CEP128: variants seen among roughly 807,000 people sequenced by gnomAD.
The protein encoded by CEP128 is centrosomal protein 128kDa.
Under a neutral mutation model 156.7 loss-of-function variants are expected in CEP128, and 132 were observed. The ratio of observed to expected loss-of-function variants is 0.84; its 90% CI spans 0.73 to 0.97. The LOEUF (loss-of-function observed/expected upper bound fraction) is 0.97, where lower values mean the gene tolerates loss of function less well. Ranked by LOEUF, CEP128 falls within the 50% of genes least tolerant of loss-of-function variation. The probability of loss-of-function intolerance (pLI) is 0.00; values close to 1 mark genes in which losing one functional copy is unlikely to be tolerated. For missense variants in CEP128, 1,252 were observed against 1,281.9 expected (o/e 0.98, Z 0.36); for synonymous variants, 469 against 448.9 (o/e 1.04, Z -0.57).
chr14:80,882,012 A>G (rs1888575091), intron 8 of CEP128, among the ~76,000 whole-genome samples: 1 of 152,150 alleles, frequency 6.6e-6, no homozygotes, highest in Non-Finnish European at 1.5e-5. Flanking sequence ...AGTCCTAGCT[A>G]GAATAATAAG....
chr14:80,896,964 A>T (rs1029961197), intron 7 of CEP128, among the ~76,000 whole-genome samples: 2 of 152,100 alleles, frequency 1.3e-5, no homozygotes, highest in African/African-American at 4.8e-5. Flanking sequence ...TTATCTTTCT[A>T]TTTCTTGGTT....
chr14:80,518,112 G>C (rs1158978274), intron 23 of CEP128, among the ~76,000 whole-genome samples: 3 of 148,956 alleles, frequency 2.0e-5, no homozygotes, highest in African/African-American at 5.0e-5. Context: ...GACCCAAAGG[G>C]GGTTGCCATT....
chr14:80,627,573 G>T (rs1290179808), intron 19 of CEP128, among the ~76,000 whole-genome samples: 1 of 152,074 alleles, frequency 6.6e-6, no homozygotes, highest in Non-Finnish European at 1.5e-5. Flanking sequence ...ATTTGTTGTA[G>T]ATATACTGCT....
intron 22 of CEP128, 82 bp from the exon 23 acceptor site, chr14:80,527,064 T>C: frequency 1.5e-6 from 1 of 666,178 alleles, no homozygotes; most frequent in Non-Finnish European, 2.6e-6. Context: ...AAAGAGTCTA[T>C]ATGTAGATAA....
At chr14:80,599,665 GA>G (rs202000914) in intron 19 of CEP128, among the ~76,000 whole-genome samples, 270 of 150,108 alleles carry the variant, frequency 1.8e-3, no homozygotes, top group Admixed American at 3.2e-3. Context: ...AAAAAAGAAA[GA>G]AAAAAAAACT....
At chr14:80,916,107 G>A (rs1884536575) in intron 3 of CEP128, among the ~76,000 whole-genome samples, 1 of 152,174 alleles carries the variant, frequency 6.6e-6, no homozygotes, top group African/African-American at 2.4e-5. Flanking sequence ...GATGAGGGAA[G>A]GCAGCCACAA....
intron 19 of CEP128, among the ~76,000 whole-genome samples, chr14:80,590,069 T>G (rs1391268035): frequency 6.6e-6 from 1 of 152,006 alleles, no homozygotes; most frequent in Admixed American, 6.6e-5. Context: ...AGATACCCAG[T>G]GAGTAGGCAG....
At chr14:80,522,040 T>C (rs1352876027) in intron 23 of CEP128, among the ~76,000 whole-genome samples, 3 of 152,226 alleles carry the variant, frequency 2.0e-5, no homozygotes, top group Non-Finnish European at 4.4e-5. Flanking sequence ...AATTGGAGTA[T>C]TGTAGAGTTA....
chr14:80,510,152 A>C (rs922215049), intron 23 of CEP128, among the ~76,000 whole-genome samples: 17 of 152,178 alleles, frequency 1.1e-4, no homozygotes, highest in Non-Finnish European at 2.4e-4. Context: ...TTCTATTTCC[A>C]TGAAGAATGT....
intron 8 of CEP128, among the ~76,000 whole-genome samples, chr14:80,872,289 T>C (rs1270255465): frequency 6.6e-6 from 1 of 152,188 alleles, no homozygotes; most frequent in African/African-American, 2.4e-5. Context: ...CAATTAAGTG[T>C]TAATAGAAAA....
chr14:80,832,013 T>C (rs1272871413), intron 12 of CEP128, among the ~76,000 whole-genome samples: 1 of 152,170 alleles, frequency 6.6e-6, no homozygotes, highest in Non-Finnish European at 1.5e-5. Flanking sequence ...AATTGAATCA[T>C]GGGGGCAGCT....
chr14:80,836,312 G>A lies in CEP128; in HGVS notation c.950C>T (p.Thr317Met), dbSNP rs749206725. 2.0e-5 allele frequency: 33 copies of A among 1,613,888 alleles called. No homozygotes were observed. The highest frequency in any genetic ancestry group is 2.4e-5 in the Non-Finnish European group (28 of 1,179,968). The change falls in exon 12 of 25, where the codon ACG (threonine) becomes ATG (methionine). Residue 317 changes from threonine (T) to methionine (M), a missense_variant. Coordinates refer to ENST00000555265, the MANE Select transcript of CEP128 (RefSeq NM_152446.5). ...HQVEELRTQL[T>M]KAEGDRKGLQ... is the part of the protein sequence containing the mutation. ...ACCCTTTCGATCACCTTCTGCTTTC[G>A]TAAGTTGTGTACGCAGTTCTTCTAC...
chr14:80,652,799 G>T (rs1187863097), intron 19 of CEP128, among the ~76,000 whole-genome samples: 3 of 152,136 alleles, frequency 2.0e-5, no homozygotes. Context: ...CAAGGATCTA[G>T]AATTAGAAAT....
Position 80,554,132 on chromosome 14 carries a change from C to A in CEP128, c.2880+5147G>T, listed in dbSNP as rs539946398. Among the ~76,000 whole-genome samples the A allele has an allele frequency of 7.2e-5, 11 of 152,244 alleles. No individual in the cohort carries two copies. The East Asian group carries it at 2.1e-3, about 29-fold the overall frequency. ...GGGATGGCCTTTTCAAATTTTATTTCTCTCTAATCTGTCACTATGCTATAA... is the reference window on the plus strand; with the variant it reads ...GGGATGGCCTTTTCAAATTTTATTTATCTCTAATCTGTCACTATGCTATAA... On this transcript the variant is annotated intron_variant, in intron 21 of 24. Coordinates refer to ENST00000555265, the MANE Select transcript of CEP128 (RefSeq NM_152446.5).
chr14:80,938,737 A>C (rs887713593), intron 2 of CEP128, among the ~76,000 whole-genome samples: 9 of 152,246 alleles, frequency 5.9e-5, no homozygotes, highest in Non-Finnish European at 1.2e-4. Context: ...TGGAAATCAC[A>C]AATTATAATG....
At chr14:80,785,566 A>G (rs183839495) in intron 14 of CEP128, 21 bp from the exon 15 acceptor site, 12 of 1,535,064 alleles carry the variant, frequency 7.8e-6, no homozygotes, top group Middle Eastern at 1.8e-4. Flanking sequence ...AAGAACATGA[A>G]GCAAAAGAAA....
At chr14:80,900,999 G>A (rs994987592) in intron 6 of CEP128, among the ~76,000 whole-genome samples, 1 of 151,978 alleles carries the variant, frequency 6.6e-6, no homozygotes, top group Non-Finnish European at 1.5e-5. Context: ...GAGGTCAGGA[G>A]ATCGAGACCA....
intron 19 of CEP128, among the ~76,000 whole-genome samples, chr14:80,639,339 C>T (rs1240499224): frequency 6.6e-6 from 1 of 151,922 alleles, no homozygotes; most frequent in African/African-American, 2.4e-5. Flanking sequence ...GATAAGTTAC[C>T]AAAAGAGAAT....
At chr14:80,736,020 G>A (rs760954773) in intron 19 of CEP128, among the ~76,000 whole-genome samples, 3 of 152,094 alleles carry the variant, frequency 2.0e-5, no homozygotes, top group Non-Finnish European at 4.4e-5. Context: ...CATATTCACA[G>A]ATTCAACCCA....
Sources: allele counts gnomAD v4.1 joint callset (sites outside exome capture counted in the v4.1 genomes callset), GRCh38; gene constraint gnomAD v4.1.1; transcripts MANE v1.5; gene names NCBI Gene and HGNC (gene_info 2026-07-23, HGNC 2026-07-21).